The following WDR76 variants were observed in gnomAD, a reference collection of about 807,000 sequenced individuals.
WDR76 encodes WD repeat-containing protein 76.
Under a neutral mutation model 70.2 loss-of-function variants are expected in WDR76, and 52 were observed. The ratio of observed to expected loss-of-function variants is 0.74; its 90% confidence interval spans 0.59 to 0.93. The LOEUF (loss-of-function observed/expected upper bound fraction) is 0.93. Among genes scored for constraint, WDR76 ranks in the 40% least tolerant of loss-of-function variants. The pLI is 0.00. For missense variants in WDR76, 756 were observed against 760.2 expected (o/e 0.99, Z 0.07); for synonymous variants, 292 against 271.1 (o/e 1.08, Z -0.76).
Position 43,839,677 on chromosome 15 carries a change from A to T in WDR76, c.681A>T (p.Gly227=), listed in dbSNP as rs757048207. The T allele has an allele frequency of 8.7e-6, 14 of 1,612,494 alleles. No homozygotes were observed. The highest frequency in any genetic ancestry group is 5.1e-6 in the Non-Finnish European group (6 of 1,178,998). Residue 227 remains glycine (G), a synonymous_variant, in exon 5 of 13, where the codon GGA becomes GGT. Transcript: ENST00000263795. ...GATTACTAAAAGTTGATCCTTCGGG[A>T]GTTTCATTACCAGCAGCTCCAACAC... ...SMRLLKVDPS[G]VSLPAAPTPP...
intron 4 of WDR76, among the ~76,000 whole-genome samples, chr15:43,838,115 C>T (rs376397237): frequency 3.3e-4 from 51 of 152,264 alleles, no homozygotes; most frequent in East Asian, 2.7e-3. Flanking sequence ...CCTCGTGATC[C>T]GCCTGCCTCG....
At chr15:43,859,054 G>A (rs900219767) in intron 11 of WDR76, among the ~76,000 whole-genome samples, 1 of 152,192 alleles carries the variant, frequency 6.6e-6, no homozygotes, top group Non-Finnish European at 1.5e-5. Flanking sequence ...GTACCCTGGG[G>A]GGTTTATGGT....
At chr15:43,849,174 CAA>C (rs1221622507) in intron 8 of WDR76, among the ~76,000 whole-genome samples, 125 of 60,936 alleles carry the variant, frequency 2.1e-3, no homozygotes, top group African/African-American at 6.1e-3. Flanking sequence ...GACTTCATCT[CAA>C]AAAAAAAAAA....
intron 5 of WDR76, among the ~76,000 whole-genome samples, chr15:43,841,385 G>A (rs1230013306): frequency 6.6e-6 from 1 of 151,856 alleles, no homozygotes; most frequent in East Asian, 1.9e-4. Flanking sequence ...TTTTAGTAGA[G>A]ATGGGGTTTC....
At chr15:43,847,769 C>T (rs1438826892) in intron 8 of WDR76, among the ~76,000 whole-genome samples, 1 of 152,116 alleles carries the variant, frequency 6.6e-6, no homozygotes, top group African/African-American at 2.4e-5. Flanking sequence ...GTTGGCCAGG[C>T]TGATCTGGAA....
intron 7 of WDR76, among the ~76,000 whole-genome samples, chr15:43,843,107 T>G (rs1184416874): frequency 6.7e-6 from 1 of 149,540 alleles, no homozygotes; most frequent in East Asian, 2.0e-4. Flanking sequence ...CATTGCAACC[T>G]TCGCTTCCTG....
intron 8 of WDR76, among the ~76,000 whole-genome samples, chr15:43,850,534 A>G (rs533097507): frequency 2.2e-4 from 33 of 152,162 alleles, no homozygotes; most frequent in Middle Eastern, 3.4e-3. Context: ...TGACCTCGTG[A>G]TCCGCCCGCC....
chr15:43,866,526 A>C lies in WDR76; in HGVS notation c.*134A>C, dbSNP rs529432193. On this transcript the variant is annotated 3_prime_UTR_variant, in exon 13 of 13. Transcript: ENST00000263795. ...ATAACATTGTTTTATTAATAAGACT[A>C]TAAGAAGAGTGTACTTTTAGTAAGG... 1 of 1,057,146 alleles carries C rather than the reference A, an allele frequency of 9.5e-7. No individual in the cohort carries two copies. The highest frequency in any genetic ancestry group is 2.6e-5 in the East Asian group (1 of 38,906). The allele number at this position is 1,057,146 out of a possible 1,614,324, so 65.5% of individuals were successfully genotyped here.
chr15:43,849,242 C>G (rs2087826926), intron 8 of WDR76, among the ~76,000 whole-genome samples: 1 of 150,126 alleles, frequency 6.7e-6, no homozygotes, highest in African/African-American at 2.4e-5. Context: ...TATAAATTAT[C>G]TAAAATTAAC....
At chr15:43,833,356 T>A (rs1421506062) in intron 2 of WDR76, among the ~76,000 whole-genome samples, 4 of 150,394 alleles carry the variant, frequency 2.7e-5, no homozygotes, top group Non-Finnish European at 5.9e-5. Context: ...TCTGGCTCTG[T>A]TGCCCAGAGT....
intron 7 of WDR76, among the ~76,000 whole-genome samples, chr15:43,843,007 C>CTTTTTTTT (rs2087744917): frequency 7.5e-6 from 1 of 133,614 alleles, no homozygotes; most frequent in Non-Finnish European, 1.6e-5. Flanking sequence ...ACACTTTTTT[C>CTTTTTTTT]TTTTTCTTTT....
At chr15:43,833,296 C>T (rs890364816) in intron 2 of WDR76, among the ~76,000 whole-genome samples, 2 of 151,234 alleles carry the variant, frequency 1.3e-5, no homozygotes, top group African/African-American at 4.9e-5. Flanking sequence ...TCCCACTTAA[C>T]GTTATTTTTC....
At chr15:43,827,180 C>A in intron 1 of WDR76, 88 bp downstream of exon 1, 1 of 1,559,984 alleles carries the variant, frequency 6.4e-7, no homozygotes, top group Non-Finnish European at 8.8e-7. Flanking sequence ...AGGTCGAGGG[C>A]ACCTGGCACC....
At chr15:43,847,556 G>A (rs2087804208) in intron 8 of WDR76, among the ~76,000 whole-genome samples, 1 of 152,154 alleles carries the variant, frequency 6.6e-6, no homozygotes, top group Admixed American at 6.6e-5. Context: ...AAGTGGCTGG[G>A]ATTACAGGCG....
At chr15:43,858,597 C>T in intron 10 of WDR76, 74 bp from the exon 11 acceptor site, 2 of 1,550,070 alleles carry the variant, frequency 1.3e-6, no homozygotes, top group Non-Finnish European at 1.7e-6. Flanking sequence ...GAGTGTCTAA[C>T]TTATGTTTAG....
chr15:43,861,347 G>C lies in WDR76; in HGVS notation c.1577G>C (p.Ser526Thr), dbSNP rs1338665657. The C allele has an allele frequency of 1.9e-6, 3 of 1,613,842 alleles. No individual in the cohort carries two copies. In the South Asian group the frequency reaches 3.3e-5, roughly 18 times the overall value. Residue 526 changes from serine (S) to threonine (T), a missense_variant, in exon 12 of 13, where the codon AGC becomes ACC. Coordinates refer to ENST00000263795, the MANE Select transcript of WDR76 (RefSeq NM_024908.4). ...ADCNLRIFDS[S>T]CISSKIPLLT... ...TTATTTTGCAGAATTTTTGACAGCA[G>C]CTGTATATCTTCTAAGATTCCGCTC...
intron 9 of WDR76, among the ~76,000 whole-genome samples, chr15:43,853,034 A>G (rs1204637360): frequency 6.6e-6 from 1 of 152,070 alleles, no homozygotes; most frequent in Non-Finnish European, 1.5e-5. Context: ...GATTACAGGC[A>G]CGTGCCACCA....
intron 8 of WDR76, among the ~76,000 whole-genome samples, chr15:43,847,022 C>CAAA (rs57096588): frequency 3.4e-4 from 23 of 66,696 alleles, no homozygotes; most frequent in African/African-American, 1.1e-3. Flanking sequence ...AACACCACCT[C>CAAA]AAAAAAAAAA....
chr15:43,864,621 T>G (rs186601037), intron 12 of WDR76, among the ~76,000 whole-genome samples: 2 of 151,950 alleles, frequency 1.3e-5, no homozygotes, highest in East Asian at 3.9e-4. Flanking sequence ...TTAAACGGAG[T>G]CTTGCTCTTG....
Sources: allele counts gnomAD v4.1 joint callset (sites outside exome capture counted in the v4.1 genomes callset), GRCh38; gene constraint gnomAD v4.1.1; transcripts MANE v1.5; gene names NCBI Gene and HGNC (gene_info 2026-07-23, HGNC 2026-07-21).